The following PIWIL1 variants were observed in gnomAD, a reference collection of about 807,000 sequenced individuals.
PIWIL1 encodes the protein piwi like RNA-mediated gene silencing 1.
Under a neutral mutation model 114.4 loss-of-function variants are expected in PIWIL1, and 73 were observed. The observed-to-expected ratio is 0.64, with a 90% CI of 0.53 to 0.78. PIWIL1 has a LOEUF of 0.78. Ranked by LOEUF, PIWIL1 falls within the 30% of genes least tolerant of loss-of-function variation. The pLI is 0.00. For missense variants in PIWIL1, 723 were observed against 1,063.1 expected, an observed-to-expected ratio of 0.68 and a Z score of 4.45; for synonymous variants, 375 against 369.0, an observed-to-expected ratio of 1.02 and a Z score of -0.19.
intron 12 of PIWIL1, among the ~76,000 whole-genome samples, chr12:130,356,179 A>G (rs1322969106): frequency 6.6e-6 from 1 of 152,108 alleles, no homozygotes; most frequent in South Asian, 2.1e-4. Context: ...TATAGAGATA[A>G]TATATTAATT....
chr12:130,399,164 G>T, the PIWIL1 span: 1 of 1,381,852 alleles, frequency 7.2e-7, no homozygotes, highest in Non-Finnish European at 9.4e-7. Flanking sequence ...CTCTTCTTCT[G>T]TTTCCAAGCA....
the PIWIL1 span, among the ~76,000 whole-genome samples, chr12:130,384,173 C>T: frequency 2.6e-5 from 4 of 152,138 alleles, no homozygotes; most frequent in Non-Finnish European, 4.4e-5. Context: ...GATACATAAG[C>T]GAATGAAGAC....
the PIWIL1 span, among the ~76,000 whole-genome samples, chr12:130,379,998 A>C: frequency 1.1e-5 from 1 of 92,378 alleles, no homozygotes; most frequent in Non-Finnish European, 2.1e-5. Flanking sequence ...AGTTCCTTCA[A>C]CTCCCTCATC....
chr12:130,400,378 T>A, the PIWIL1 span, among the ~76,000 whole-genome samples: 3 of 152,216 alleles, frequency 2.0e-5, no homozygotes, highest in African/African-American at 7.2e-5. Flanking sequence ...GATAACCTCC[T>A]CAGACATTAC....
chr12:130,339,079 C>T (rs527798656), intron 1 of PIWIL1, among the ~76,000 whole-genome samples: 9 of 152,194 alleles, frequency 5.9e-5, no homozygotes, highest in Non-Finnish European at 1.5e-5. Flanking sequence ...AGGGCCCCTT[C>T]CCGCGTCCGC....
the PIWIL1 span, among the ~76,000 whole-genome samples, chr12:130,421,424 T>A: frequency 6.6e-6 from 1 of 152,272 alleles, no homozygotes; most frequent in Non-Finnish European, 1.5e-5. Flanking sequence ...GGAATTTTTT[T>A]CTTATTGTTT....
chr12:130,422,812 T>C, the PIWIL1 span, among the ~76,000 whole-genome samples: 52 of 152,202 alleles, frequency 3.4e-4, no homozygotes, highest in Non-Finnish European at 6.6e-4. The surrounding 1 kb of genome is among the most constrained non-coding windows in gnomAD (Gnocchi z 5.2). Flanking sequence ...GGGGTCTCTT[T>C]TGGTTGCTGC....
chr12:130,356,905 A>T lies in PIWIL1; in HGVS notation c.1405-13A>T, dbSNP rs1212024078. On this transcript the variant is annotated splice_polypyrimidine_tract_variant and intron_variant, in intron 12 of 20. Transcript: ENST00000245255. ...TACAATGGAATTTACAGTGTGTCTG[A>T]ACTCTCTTCTAGTTTGATTACAATC... 1 of 1,584,596 alleles carries T rather than the reference A, an allele frequency of 6.3e-7. No homozygotes were observed. The highest frequency in any genetic ancestry group is 1.1e-5 in the South Asian group (1 of 88,016).
intron 16 of PIWIL1, 40 bp from the exon 17 acceptor site, chr12:130,362,726 C>T: frequency 5.8e-6 from 9 of 1,539,728 alleles, no homozygotes; most frequent in Non-Finnish European, 7.2e-6. Context: ...AATTGATAGA[C>T]AATTGCATTC....
At chr12:130,354,835 T>G in intron 10 of PIWIL1, 53 bp from the exon 11 acceptor site, 1 of 1,441,820 alleles carries the variant, frequency 6.9e-7, no homozygotes, top group Non-Finnish European at 9.7e-7. Context: ...TCCAGTTATT[T>G]AGACCTGATT....
chr12:130,408,384 T>C, the PIWIL1 span, among the ~76,000 whole-genome samples: 1 of 152,222 alleles, frequency 6.6e-6, no homozygotes, highest in Admixed American at 6.5e-5. Context: ...GCTTCCCTCA[T>C]GCTGCTTCCC....
the PIWIL1 span, among the ~76,000 whole-genome samples, chr12:130,421,908 G>A: frequency 2.0e-5 from 3 of 152,232 alleles, no homozygotes; most frequent in Non-Finnish European, 4.4e-5. Context: ...AAGTCAGGAA[G>A]AGAATGGAAA....
the PIWIL1 span, among the ~76,000 whole-genome samples, chr12:130,402,375 T>C: frequency 6.6e-6 from 1 of 152,128 alleles, no homozygotes; most frequent in African/African-American, 2.4e-5. Flanking sequence ...TCTGTCCCTC[T>C]GACTGGCAGT....
the PIWIL1 span, chr12:130,397,994 G>A: frequency 6.5e-6 from 1 of 152,834 alleles, no homozygotes; most frequent in Admixed American, 6.6e-5. Flanking sequence ...GTGCATTCCT[G>A]GGGTGGTTGG....
chr12:130,338,262 G>A, intron 1 of PIWIL1, 116 bp downstream of exon 1: 1 of 317,508 alleles, frequency 3.1e-6, no homozygotes, highest in East Asian at 1.2e-4. Flanking sequence ...GCGGGGGCGA[G>A]GTCCCAGGTG....
At chr12:130,420,873 G>A in the PIWIL1 span, 1 of 152,174 alleles carries the variant, frequency 6.6e-6, no homozygotes, top group African/African-American at 2.4e-5. The surrounding 1 kb of genome is among the most constrained non-coding windows in gnomAD (Gnocchi z 4.3). Flanking sequence ...GGAGACTGGA[G>A]TAGAAGACCT....
At chr12:130,363,900 G>A (rs896245844) in intron 18 of PIWIL1, among the ~76,000 whole-genome samples, 6 of 152,156 alleles carry the variant, frequency 3.9e-5, no homozygotes, top group Non-Finnish European at 7.3e-5. Flanking sequence ...TGACAGGCAT[G>A]AGCCACAACT....
At chr12:130,414,241 C>T in the PIWIL1 span, 34 of 1,613,822 alleles carry the variant, frequency 2.1e-5, no homozygotes, top group Admixed American at 6.7e-5. Flanking sequence ...GGGAGCTCTT[C>T]GGCACCAGGG....
chr12:130,410,730 T>A, the PIWIL1 span, among the ~76,000 whole-genome samples: 6 of 152,238 alleles, frequency 3.9e-5, no homozygotes, highest in Non-Finnish European at 8.8e-5. Context: ...CTATCCTTTC[T>A]CCAATACCAC....
Sources: gnomAD v4.1 joint callset for allele counts (sites outside exome capture counted in the v4.1 genomes callset) on GRCh38, gnomAD v4.1.1 for gene constraint, Gnocchi (gnomAD v3.1) non-coding constraint, MANE v1.5 for transcripts, NCBI Gene and HGNC (gene_info 2026-07-23, HGNC 2026-07-21) for gene names.